The following LRP1B variants were observed in gnomAD, a reference collection of about 807,000 sequenced individuals.
The protein encoded by LRP1B is low-density lipoprotein receptor-related protein 1B.
LRP1B carries 217 observed loss-of-function variants against 556.6 expected under a neutral mutation model. That is an observed-to-expected ratio of 0.39 (90% CI 0.35 to 0.44). The LOEUF is 0.44. Among genes scored for constraint, LRP1B ranks in the 20% least tolerant of loss-of-function variants. The probability of loss-of-function intolerance (pLI) is 1.00; values close to 1 mark genes in which losing one functional copy is unlikely to be tolerated. For missense variants in LRP1B, 5,053 were observed against 5,620.8 expected (o/e 0.90, Z 3.23); for synonymous variants, 2,047 against 1,865.8 (o/e 1.10, Z -2.50).
At chr2:141,027,749 A>T (rs34168519) in intron 11 of LRP1B, among the ~76,000 whole-genome samples, 16,694 of 152,160 alleles carry the variant, frequency 0.11, 1,009 homozygotes, top group East Asian at 0.21. Flanking sequence ...TCCTCATTCT[A>T]ATGTGAAAAT....
At position 140,541,087 on chromosome 2, in the gene LRP1B, G is replaced by A. The variant is rs1248007303; in HGVS notation, c.7399C>T (p.Pro2467Ser). ...CAGCCTCCATTCAATAATGCACATGGAGAAAGTTCACCTACAATAAAGAGG... is the reference window on the plus strand; with the variant it reads ...CAGCCTCCATTCAATAATGCACATGAAGAAAGTTCACCTACAATAAAGAGG... ...ANDTNSCELS[P>S]CALLNGGCHD... is the part of the protein sequence containing the mutation. The change falls in exon 45 of 91, where the codon CCA becomes TCA. Residue 2467 changes from proline to serine, a missense_variant. Transcript: ENST00000389484. The A allele has an allele frequency of 1.9e-6, 3 of 1,609,004 alleles. No individual in the cohort carries two copies. The highest frequency in any genetic ancestry group is 2.5e-6 in the Non-Finnish European group (3 of 1,176,594).
intron 5 of LRP1B, among the ~76,000 whole-genome samples, chr2:141,230,482 C>T (rs923730822): frequency 6.6e-6 from 1 of 152,174 alleles, no homozygotes; most frequent in African/African-American, 2.4e-5. Context: ...AATGCTAAGG[C>T]AGATAAGGTC....
intron 6 of LRP1B, among the ~76,000 whole-genome samples, chr2:141,201,726 A>C: frequency 6.6e-6 from 1 of 152,190 alleles, no homozygotes; most frequent in East Asian, 1.9e-4. Flanking sequence ...AATAGAAAAT[A>C]GAAATGGTGC....
rs116559313 is a variant in LRP1B, at chr2:140,536,854, T to C, written c.7514-145A>G. On this transcript the variant is annotated intron_variant, in intron 45 of 90. Transcript: ENST00000389484. ...AATTAAAGAGCAATGGTTTATGACA[T>C]TTCTTTATGAAATTAAGATCTTAAG... 1,184 of 702,100 alleles carry C rather than the reference T, an allele frequency of 1.7e-3. 11 individuals are homozygous for C. The African/African-American group carries it at 0.019, about 11-fold the overall frequency. The allele number at this position is 702,100 out of a possible 1,614,324, so 43.5% of individuals were successfully genotyped here. A position where few individuals can be genotyped will look rare whatever the true frequency, so the allele number is the denominator to read the frequency against.
At chr2:141,463,607 A>ATATATATAATATATATTATATATAT (rs1559084023) in intron 3 of LRP1B, among the ~76,000 whole-genome samples, 47 of 108,424 alleles carry the variant, frequency 4.3e-4, no homozygotes, top group Middle Eastern at 9.2e-3. Context: ...ATTATATATT[A>ATATATATAATATATATTATATATAT]TATATAATTA....
At chr2:141,469,951 G>T (rs1212463441) in intron 3 of LRP1B, among the ~76,000 whole-genome samples, 1 of 152,100 alleles carries the variant, frequency 6.6e-6, no homozygotes, top group African/African-American at 2.4e-5. Flanking sequence ...AATTGTTATT[G>T]TTCTATTTTA....
chr2:141,194,065 A>G (rs1010626598), intron 6 of LRP1B, among the ~76,000 whole-genome samples: 1 of 152,130 alleles, frequency 6.6e-6, no homozygotes, highest in African/African-American at 2.4e-5. Flanking sequence ...TGTCCAGTAC[A>G]ATATTGACTA....
At chr2:140,974,581 G>A (rs1430250188) in intron 18 of LRP1B, among the ~76,000 whole-genome samples, 2 of 152,166 alleles carry the variant, frequency 1.3e-5, no homozygotes, top group Admixed American at 1.3e-4. Context: ...GTACAAACCT[G>A]CTTTAATAGG....
At chr2:141,054,369 C>T (rs556373015) in intron 10 of LRP1B, among the ~76,000 whole-genome samples, 1 of 151,902 alleles carries the variant, frequency 6.6e-6, no homozygotes, top group Non-Finnish European at 1.5e-5. Context: ...CAACAGTCCC[C>T]ACTAGGATCA....
intron 41 of LRP1B, among the ~76,000 whole-genome samples, chr2:140,689,161 C>T (rs373515885): frequency 2.0e-5 from 3 of 152,124 alleles, no homozygotes; most frequent in Middle Eastern, 3.4e-3. Context: ...TATATGAGTC[C>T]CTGTAGACGA....
chr2:142,024,517 A>C (rs995675562), intron 1 of LRP1B, among the ~76,000 whole-genome samples: 1 of 152,156 alleles, frequency 6.6e-6, no homozygotes, highest in Non-Finnish European at 1.5e-5. Flanking sequence ...ATAAGCAGTA[A>C]GAATTAAACT....
At chr2:140,747,514 T>C (rs2104881589) in intron 35 of LRP1B, among the ~76,000 whole-genome samples, 1 of 152,284 alleles carries the variant, frequency 6.6e-6, no homozygotes, top group Middle Eastern at 3.4e-3. Context: ...ATAGTCACAG[T>C]GCTGCTCAGA....
At chr2:141,598,836 C>A (rs1419553744) in intron 2 of LRP1B, among the ~76,000 whole-genome samples, 1 of 151,974 alleles carries the variant, frequency 6.6e-6, no homozygotes, top group Non-Finnish European at 1.5e-5. Flanking sequence ...GACACAATTT[C>A]TTTTAAGTAG....
At chr2:141,964,879 G>T (rs1701510493) in intron 1 of LRP1B, among the ~76,000 whole-genome samples, 2 of 150,368 alleles carry the variant, frequency 1.3e-5, no homozygotes, top group African/African-American at 2.4e-5. Context: ...AATCTACAAT[G>T]AACTCAAACA....
intron 2 of LRP1B, among the ~76,000 whole-genome samples, chr2:141,640,985 C>A (rs1474473509): frequency 1.3e-5 from 2 of 151,980 alleles, no homozygotes; most frequent in African/African-American, 4.8e-5. Flanking sequence ...TAGTATATGC[C>A]CAACGTCTGT....
intron 15 of LRP1B, among the ~76,000 whole-genome samples, chr2:141,004,871 A>G (rs998810638): frequency 1.3e-5 from 2 of 152,046 alleles, no homozygotes; most frequent in African/African-American, 4.8e-5. Context: ...AGATCAATCA[A>G]TCCAGTTAAT....
chr2:140,284,247 TGA>T (rs1045030478), intron 84 of LRP1B, among the ~76,000 whole-genome samples: 1 of 151,544 alleles, frequency 6.6e-6, no homozygotes, highest in African/African-American at 2.4e-5. Flanking sequence ...CTAACATAGT[TGA>T]AAACAATTAT....
chr2:141,705,798 C>T (rs1047359650), intron 2 of LRP1B, among the ~76,000 whole-genome samples: 23 of 151,880 alleles, frequency 1.5e-4, no homozygotes, highest in African/African-American at 5.1e-4. Context: ...CTATTTAACT[C>T]CAAACAGATG....
At chr2:140,588,887 G>C (rs1006235374) in intron 43 of LRP1B, among the ~76,000 whole-genome samples, 2 of 151,386 alleles carry the variant, frequency 1.3e-5, no homozygotes, top group African/African-American at 4.9e-5. Flanking sequence ...TTGAACCCAG[G>C]AGGCAGAGGT....
Sources: gnomAD v4.1 joint callset for allele counts (sites outside exome capture counted in the v4.1 genomes callset) on GRCh38, gnomAD v4.1.1 for gene constraint, MANE v1.5 for transcripts, NCBI Gene and HGNC (gene_info 2026-07-23, HGNC 2026-07-21) for gene names.